OXNAD1: variants seen among roughly 807,000 people sequenced by gnomAD.
OXNAD1 encodes oxidoreductase NAD-binding domain-containing protein 1.
OXNAD1 carries 34 observed loss-of-function variants against 32.9 expected under a neutral mutation model. The ratio of observed to expected loss-of-function variants is 1.03; its 90% CI spans 0.79 to 1.38. The LOEUF is 1.38. OXNAD1 is among the 40% of genes most tolerant of loss of function. The pLI is 0.00. For synonymous variants in OXNAD1, 134 were observed against 135.2 expected (o/e 0.99, Z 0.06); for missense variants, 407 against 379.4 (o/e 1.07, Z -0.60).
chr3:16,334,937 G>C lies in OXNAD1; in HGVS notation c.*31-2175G>C, dbSNP rs1228695683. Among the ~76,000 whole-genome samples the C allele has an allele frequency of 6.6e-6, 1 of 152,190 alleles. No homozygotes were observed. The highest frequency in any genetic ancestry group is 6.5e-5 in the Admixed American group (1 of 15,288). On this transcript the variant is annotated intron_variant, in intron 9 of 9. Transcript: ENST00000435829. The surrounding 1 kb of genome is among the most constrained non-coding windows in gnomAD (Gnocchi z 4.3). Reference sequence around the variant, plus strand: ...GATGTGATGGCAGCAGCAGAGGCTGGAGTGATGCAGGGAAGGGGCCACGAG... The same window carrying C: ...GATGTGATGGCAGCAGCAGAGGCTGCAGTGATGCAGGGAAGGGGCCACGAG...
intron 4 of OXNAD1, 62 bp from the exon 5 acceptor site, chr3:16,286,280 A>G (rs1047222358): frequency 1.6e-6 from 2 of 1,287,764 alleles, no homozygotes; most frequent in African/African-American, 2.9e-5. Flanking sequence ...TCAGGATGCC[A>G]CCATTTGTCC....
rs1269447803 is a variant in OXNAD1, at chr3:16,322,198, G to T, written c.*31-14914G>T. On this transcript the variant is annotated intron_variant, in intron 9 of 9. Coordinates refer to the OXNAD1 transcript ENST00000435829. The surrounding 1 kb of genome is among the most constrained non-coding windows in gnomAD (Gnocchi z 6.2). ...CCTGGTGGTTGATGGTGGGCTGGCA[G>T]TTCCCTTCTGGTCCATTGTGCCGTC... Among the ~76,000 whole-genome samples, 1 of 152,188 alleles carries T rather than the reference G, an allele frequency of 6.6e-6. No individual in the cohort carries two copies. The highest frequency in any genetic ancestry group is 2.4e-5 in the African/African-American group (1 of 41,444).
rs901409271 is a variant in OXNAD1 at position 16,342,601 on chromosome 3, A to G, written c.*31-6575A>G. Among the ~76,000 whole-genome samples, 8 of 152,210 alleles carry G rather than the reference A, an allele frequency of 5.3e-5. No homozygotes were observed. The highest frequency in any genetic ancestry group is 1.3e-4 in the Admixed American group (2 of 15,286). On this transcript the variant is annotated intron_variant, in intron 9 of 9. Coordinates refer to the OXNAD1 transcript ENST00000606098. This position sits in a 1 kb window ranked among gnomAD's most constrained non-coding sequence, Gnocchi z 4.0. ...TGTTTAACATTTTGGGAAAGTGTCC[A>G]TGGATCACTTTTATAAAAATAAAAA...
chr3:16,269,731 T>C (rs2064794770), intron 2 of OXNAD1, among the ~76,000 whole-genome samples: 1 of 152,204 alleles, frequency 6.6e-6, no homozygotes, highest in Non-Finnish European at 1.5e-5. Flanking sequence ...TTAATGAATA[T>C]GGAGTAGGAA....
At chr3:16,340,173 A>G (rs2071219667), downstream of OXNAD1, among the ~76,000 whole-genome samples, 2 of 152,202 alleles carry the variant, frequency 1.3e-5, no homozygotes, top group Non-Finnish European at 2.9e-5. Flanking sequence ...GGGTCCTATC[A>G]GGAGGTAGTG....
In OXNAD1 at chr3:16,317,353, C is replaced by G; in HGVS notation, c.*30+13761C>G. The G allele has an allele frequency of 9.3e-7, 1 of 1,076,764 alleles. No individual in the cohort carries two copies. The highest frequency in any genetic ancestry group is 1.3e-6 in the Non-Finnish European group (1 of 747,116). The allele number at this position is 1,076,764 out of a possible 1,614,324, so 66.7% of individuals were successfully genotyped here. On this transcript the variant is annotated intron_variant, in intron 9 of 9. Coordinates refer to the OXNAD1 transcript ENST00000435829. The surrounding 1 kb of genome is among the most constrained non-coding windows in gnomAD (Gnocchi z 4.3). ...AGTGAGACATACAATTCCCAGCATC[C>G]CCCAGCCAGGCAGTACAGGCACCAA... is the stretch of plus-strand genomic sequence containing the variant.
At chr3:16,311,475 T>C (rs1216815262) in intron 9 of OXNAD1, among the ~76,000 whole-genome samples, 1 of 152,196 alleles carries the variant, frequency 6.6e-6, no homozygotes, top group African/African-American at 2.4e-5. Flanking sequence ...TTAGTGACTT[T>C]GTCTAATGTT....
Position 16,265,553 on chromosome 3 carries a change from T to C in OXNAD1, c.-159+48T>C, listed in dbSNP as rs1461078710. On this transcript the variant is annotated intron_variant, in intron 1 of 8. Coordinates refer to ENST00000285083, the MANE Select transcript of OXNAD1 (RefSeq NM_138381.5). The surrounding 1 kb of genome is among the most constrained non-coding windows in gnomAD (Gnocchi z 4.8). Reference sequence around the variant, plus strand: ...CCCAGACGCCTTAAAATACCCTAAATTGTGTTGCTGAAAGGACCAAGCCCT... The same window carrying C: ...CCCAGACGCCTTAAAATACCCTAAACTGTGTTGCTGAAAGGACCAAGCCCT... 1 of 152,220 alleles carries C rather than the reference T, an allele frequency of 6.6e-6. No individual in the cohort carries two copies. Among genetic ancestry groups the C allele is most frequent in the East Asian group, 1.9e-4 (1 of 5,194 alleles). 9.4% of individuals were successfully genotyped at this position (152,220 alleles called of 1,614,324 possible). A position where few individuals can be genotyped will look rare whatever the true frequency, so the allele number is the denominator to read the frequency against.
chr3:16,341,288 C>G (rs1244671588), downstream of OXNAD1, among the ~76,000 whole-genome samples: 2 of 152,216 alleles, frequency 1.3e-5, no homozygotes, highest in African/African-American at 4.8e-5. This position sits in a 1 kb window ranked among gnomAD's most constrained non-coding sequence, Gnocchi z 4.7. Context: ...TATGATCCAG[C>G]AATCATACTC....
intron 4 of OXNAD1, chr3:16,276,336 G>T: frequency 1.0e-5 from 2 of 195,110 alleles, no homozygotes; most frequent in South Asian, 8.1e-5. Context: ...TGTTTCTTCT[G>T]TGAATTTTTT....
At chr3:16,308,041 TATGTGCGGTCACTGAGCTA>T (rs2067692835), downstream of OXNAD1, among the ~76,000 whole-genome samples, 1 of 152,222 alleles carries the variant, frequency 6.6e-6, no homozygotes, top group Non-Finnish European at 1.5e-5. The surrounding 1 kb of genome is among the most constrained non-coding windows in gnomAD (Gnocchi z 4.4). Context: ...GAGCATCTGC[TATGTGCGGTCACTGAGCTA>T]GACATTGAAG....
chr3:16,311,822 C>T (rs1363806176), intron 9 of OXNAD1, among the ~76,000 whole-genome samples: 2 of 152,188 alleles, frequency 1.3e-5, no homozygotes, highest in Admixed American at 1.3e-4. Context: ...TCATCAGTGG[C>T]CTCCTATTAA....
At position 16,298,137 on chromosome 3, in the gene OXNAD1, C is replaced by G. The variant is rs2066929369; in HGVS notation, c.432+3140C>G. The stretch of plus-strand genomic sequence containing the variant: ...ATTTTTACCCTGCAACCTTCTGAGT[C>G]TCTCCGTCAGTGTGGCCTCAGCTGC... On this transcript the variant is annotated intron_variant, in intron 6 of 8. Transcript: ENST00000285083. The surrounding 1 kb of genome is among the most constrained non-coding windows in gnomAD (Gnocchi z 5.1). Among the ~76,000 whole-genome samples the G allele has an allele frequency of 6.6e-6, 1 of 152,152 alleles. No individual in the cohort carries two copies. The highest frequency in any genetic ancestry group is 2.4e-5 in the African/African-American group (1 of 41,420).
In OXNAD1 at chr3:16,342,901, T is replaced by C. The variant is rs1472463501; in HGVS notation, c.*31-6275T>C. Among the ~76,000 whole-genome samples the C allele has an allele frequency of 6.6e-6, 1 of 152,204 alleles. No individual in the cohort carries two copies. The highest frequency in any genetic ancestry group is 1.5e-5 in the Non-Finnish European group (1 of 68,026). On this transcript the variant is annotated intron_variant, in intron 9 of 9. Transcript: ENST00000606098. The surrounding 1 kb of genome is among the most constrained non-coding windows in gnomAD (Gnocchi z 4.0). ...CCCGAAGACCCACTGACTTTGAGTC[T>C]CGATCTCAGCTCACTGCAGCCTCAA...
At chr3:16,337,570 C>T (rs1437908206), downstream of OXNAD1, among the ~76,000 whole-genome samples, 3 of 151,714 alleles carry the variant, frequency 2.0e-5, no homozygotes, top group East Asian at 3.9e-4. This position sits in a 1 kb window ranked among gnomAD's most constrained non-coding sequence, Gnocchi z 5.0. Context: ...GGTGAAACCT[C>T]GTCTCTACTA....
At chr3:16,278,561 A>G (rs1232597569) in intron 4 of OXNAD1, among the ~76,000 whole-genome samples, 1 of 152,190 alleles carries the variant, frequency 6.6e-6, no homozygotes, top group African/African-American at 2.4e-5. Flanking sequence ...TTCACTCTCA[A>G]AATTATTCTG....
At chr3:16,325,057 G>A (rs2069559711) in intron 9 of OXNAD1, among the ~76,000 whole-genome samples, 2 of 152,110 alleles carry the variant, frequency 1.3e-5, no homozygotes, top group South Asian at 4.1e-4. Context: ...AATCTGTTTT[G>A]TAAATTTCTT....
At chr3:16,272,090 C>CA in intron 4 of OXNAD1, 1 of 373,414 alleles carries the variant, frequency 2.7e-6, no homozygotes, top group Non-Finnish European at 5.0e-6. Flanking sequence ...TGTGTGGGGT[C>CA]TTTTTTTTTT....
chr3:16,293,358 TTGTC>T (rs2066553262), intron 5 of OXNAD1, among the ~76,000 whole-genome samples: 2 of 152,356 alleles, frequency 1.3e-5, no homozygotes, highest in African/African-American at 4.8e-5. Flanking sequence ...CAGTTGATTT[TTGTC>T]TGTTGATCTT....
Sources: gnomAD v4.1 joint callset for allele counts (sites outside exome capture counted in the v4.1 genomes callset) on GRCh38, gnomAD v4.1.1 for gene constraint, Gnocchi (gnomAD v3.1) non-coding constraint, MANE v1.5 for transcripts, NCBI Gene and HGNC (gene_info 2026-07-23, HGNC 2026-07-21) for gene names.